Variants in RERE observed in about 807,000 individuals in gnomAD.
RERE encodes the protein arginine-glutamic acid dipeptide repeats protein.
A neutral mutation model predicts 146.1 loss-of-function variants in RERE; 40 were observed. That is an observed-to-expected ratio of 0.27 (90% CI 0.21 to 0.36). The LOEUF (loss-of-function observed/expected upper bound fraction) is 0.36, where lower values mean the gene tolerates loss of function less well. Ranked by LOEUF, RERE falls within the 10% of genes least tolerant of loss-of-function variation. The pLI, the probability that RERE is intolerant of heterozygous loss-of-function variation, is 1.00. For synonymous variants in RERE, 1,003 were observed against 866.0 expected (o/e 1.16, Z -2.78); for missense variants, 1,933 against 2,138.7 (o/e 0.90, Z 1.90).
At chr1:8,557,155 C>T (rs1186849949) in intron 5 of RERE, among the ~76,000 whole-genome samples, 8 of 152,086 alleles carry the variant, frequency 5.3e-5, no homozygotes, top group African/African-American at 1.9e-4. Flanking sequence ...TTGATGCCAG[C>T]GCCAGCACTG....
intron 1 of RERE, among the ~76,000 whole-genome samples, chr1:8,777,621 A>G (rs528679894): frequency 7.0e-6 from 1 of 143,872 alleles, no homozygotes; most frequent in Admixed American, 7.3e-5. Flanking sequence ...TACAAGTTCC[A>G]CCTCCTGGGT....
At chr1:8,741,560 G>A (rs1327269882) in intron 1 of RERE, among the ~76,000 whole-genome samples, 1 of 152,146 alleles carries the variant, frequency 6.6e-6, no homozygotes, top group East Asian at 1.9e-4. Context: ...CCGATCTGAT[G>A]GTTTTATAAG....
chr1:8,649,190 T>C (rs1454669999), intron 2 of RERE, among the ~76,000 whole-genome samples: 1 of 152,172 alleles, frequency 6.6e-6, no homozygotes, highest in Non-Finnish European at 1.5e-5. Flanking sequence ...TTTGTTACCG[T>C]GACAGTCATC....
intron 1 of RERE, among the ~76,000 whole-genome samples, chr1:8,660,309 G>A (rs1638426135): frequency 6.6e-6 from 1 of 152,152 alleles, no homozygotes; most frequent in Non-Finnish European, 1.5e-5. Context: ...GATAAAGAAA[G>A]GGACCCAGAG....
intron 6 of RERE, among the ~76,000 whole-genome samples, chr1:8,552,785 G>T (rs930174393): frequency 3.3e-5 from 5 of 152,256 alleles, no homozygotes; most frequent in Non-Finnish European, 1.5e-5. Context: ...GCTGCCAAGA[G>T]CGAGGCCGGA....
intron 12 of RERE, among the ~76,000 whole-genome samples, chr1:8,366,230 T>G (rs1215474580): frequency 6.6e-6 from 1 of 152,212 alleles, no homozygotes; most frequent in African/African-American, 2.4e-5. Flanking sequence ...AACAAGTACT[T>G]GTTGGGTGTC....
At chr1:8,773,913 C>T (rs533295251) in intron 1 of RERE, among the ~76,000 whole-genome samples, 1 of 152,184 alleles carries the variant, frequency 6.6e-6, no homozygotes, top group African/African-American at 2.4e-5. Context: ...GGAAATGTCA[C>T]AAAAGAACTG....
intron 2 of RERE, among the ~76,000 whole-genome samples, chr1:8,638,864 C>A (rs1647137554): frequency 1.4e-5 from 2 of 147,022 alleles, no homozygotes; most frequent in Admixed American, 1.4e-4. Flanking sequence ...AGCTCCGCCT[C>A]CCGTGTTCAT....
intron 2 of RERE, among the ~76,000 whole-genome samples, chr1:8,641,646 T>A (rs1647178589): frequency 6.6e-6 from 1 of 152,186 alleles, no homozygotes. Flanking sequence ...ATCAAGTACC[T>A]CCAGGTTCTG....
chr1:8,380,495 C>G (rs886105237), intron 12 of RERE, among the ~76,000 whole-genome samples: 13 of 152,104 alleles, frequency 8.5e-5, no homozygotes, highest in Admixed American at 3.3e-4. Flanking sequence ...ACTATAGGCA[C>G]GTGCCACCGC....
intron 1 of RERE, among the ~76,000 whole-genome samples, chr1:8,794,357 C>CAAAAAAA (rs34549021): frequency 9.9e-5 from 4 of 40,562 alleles, no homozygotes; most frequent in Non-Finnish European, 1.9e-4. Context: ...GACTCCGTCT[C>CAAAAAAA]AAAAAAAAAA....
At chr1:8,609,535 C>G (rs1163724172) in intron 4 of RERE, among the ~76,000 whole-genome samples, 2 of 152,144 alleles carry the variant, frequency 1.3e-5, no homozygotes, top group Non-Finnish European at 2.9e-5. Context: ...CTCTCATGAT[C>G]TTTATCGATG....
intron 1 of RERE, among the ~76,000 whole-genome samples, chr1:8,764,910 G>T (rs145212647): frequency 1.3e-5 from 2 of 152,292 alleles, no homozygotes; most frequent in African/African-American, 4.8e-5. Flanking sequence ...TTGTAACATG[G>T]TGTAGCCACT....
In RERE at chr1:8,776,490, C is replaced by T. The variant is rs1641066381; in HGVS notation, c.-145+40670G>A. On this transcript the variant is annotated intron_variant, in intron 1 of 22. Coordinates refer to ENST00000400908, the MANE Select transcript of RERE (RefSeq NM_001042681.2). The stretch of plus-strand genomic sequence containing the variant: ...TTGTTGTATTTTGAGTAGAGACAGG[C>T]TTTCGCCATGTTGGCCAGGCTGGTC... 2.0e-5 allele frequency among the ~76,000 whole-genome samples: 3 copies of T among 152,230 alleles called. No individual in the cohort carries two copies. The South Asian group carries it at 6.2e-4, about 32-fold the overall frequency.
chr1:8,430,933 GCTAAGTACTT>G, intron 11 of RERE, among the ~76,000 whole-genome samples: 1 of 152,340 alleles, frequency 6.6e-6, no homozygotes, highest in Middle Eastern at 3.4e-3. Context: ...CGTGTGAGCT[GCTAAGTACTT>G]CTGTGTATTA....
chr1:8,521,294 T>C (rs941207569), intron 7 of RERE, among the ~76,000 whole-genome samples: 6 of 152,116 alleles, frequency 3.9e-5, no homozygotes, highest in Admixed American at 6.5e-5. Context: ...TAATAATTAG[T>C]GTAATTCCTA....
intron 12 of RERE, among the ~76,000 whole-genome samples, chr1:8,395,047 C>A (rs1469673937): frequency 1.3e-5 from 2 of 152,154 alleles, no homozygotes; most frequent in African/African-American, 4.8e-5. Context: ...AAAGGCATTC[C>A]ATGAGGGAAG....
At chr1:8,758,444 T>C (rs1197806526) in intron 1 of RERE, among the ~76,000 whole-genome samples, 1 of 149,730 alleles carries the variant, frequency 6.7e-6, no homozygotes, top group African/African-American at 2.5e-5. Context: ...CAAGCTGGAG[T>C]GCAGCGGCAC....
At chr1:8,661,345 G>A (rs958408557) in intron 1 of RERE, among the ~76,000 whole-genome samples, 16 of 152,148 alleles carry the variant, frequency 1.1e-4, no homozygotes, top group African/African-American at 3.9e-4. Flanking sequence ...GGCAGGGGGA[G>A]GAGGACCTGG....
Sources: gnomAD v4.1 joint callset for allele counts (sites outside exome capture counted in the v4.1 genomes callset) on GRCh38, gnomAD v4.1.1 for gene constraint, MANE v1.5 for transcripts, NCBI Gene and HGNC (gene_info 2026-07-23, HGNC 2026-07-21) for gene names.